Variants in DNAH11 observed in about 807,000 individuals in gnomAD.
DNAH11 encodes the protein axonemal beta dynein heavy chain 11.
A neutral mutation model predicts 526.0 loss-of-function variants in DNAH11; 442 were observed. The ratio of observed to expected loss-of-function variants is 0.84; its 90% CI spans 0.78 to 0.91. The LOEUF is 0.91. DNAH11 is among the 40% of genes least tolerant of loss of function. DNAH11 has a pLI of 0.00. For missense variants in DNAH11, 6,989 were observed against 5,448.7 expected (o/e 1.28, Z -8.90); for synonymous variants, 2,461 against 1,935.9 (o/e 1.27, Z -7.12).
At chr7:21,766,854 G>T (rs956165125) in intron 55 of DNAH11, among the ~76,000 whole-genome samples, 1 of 152,120 alleles carries the variant, frequency 6.6e-6, no homozygotes, top group African/African-American at 2.4e-5. Context: ...TGGATTGCTA[G>T]GGAAGAGCCG....
chr7:21,894,685 A>T lies in DNAH11; in HGVS notation c.12813A>T (p.Ile4271=), dbSNP rs1422905532. The T allele has an allele frequency of 6.2e-7, 1 of 1,613,876 alleles. No homozygotes were observed. The highest frequency in any genetic ancestry group is 8.5e-7 in the Non-Finnish European group (1 of 1,179,894). The part of the protein sequence containing the change: ...KLPEEFNMAE[I]MQKNSNRSPY... ...CAGAAGAGTTCAACATGGCAGAGAT[A>T]ATGCAAAAAAATTCAAATAGAAGCC... Residue 4271 remains isoleucine (I), a synonymous_variant, in exon 78 of 82, where the codon ATA becomes ATT. Transcript: ENST00000409508.
intron 34 of DNAH11, among the ~76,000 whole-genome samples, chr7:21,689,089 G>T (rs1462933510): frequency 6.6e-6 from 1 of 152,164 alleles, no homozygotes; most frequent in African/African-American, 2.4e-5. Context: ...CAGTCCTTCT[G>T]CCACGTGGGC....
At chr7:21,680,794 A>G (rs1783106306) in intron 30 of DNAH11, among the ~76,000 whole-genome samples, 1 of 152,252 alleles carries the variant, frequency 6.6e-6, no homozygotes, top group Non-Finnish European at 1.5e-5. Flanking sequence ...TTCAGTAGTC[A>G]TCACTATCTT....
Position 21,894,997 on chromosome 7 carries a change from G to C in DNAH11, c.13047G>C (p.Gln4349His), listed in dbSNP as rs756868328. Residue 4349 changes from glutamine (Q) to histidine (H), a missense_variant and splice_region_variant, in exon 79 of 82, where the codon CAG becomes CAC. Gln to His is a conservative substitution (Grantham distance 24). Coordinates refer to ENST00000409508, the MANE Select transcript of DNAH11 (RefSeq NM_001277115.2). Reference protein sequence around the residue: ...LAYPSTYGLAQWFNDLLLRCR... With the variant: ...LAYPSTYGLAHWFNDLLLRCR... ...ATCCTTCTACTTATGGCCTAGCCCA[G>C]TGGTAAGCTACCCCATCCTCACTGC... 2.5e-6 allele frequency: 4 copies of C among 1,613,634 alleles called. No individual in the cohort carries two copies. The highest frequency in any genetic ancestry group is 1.1e-5 in the South Asian group (1 of 91,072).
chr7:21,642,298 C>T (rs1409098328), intron 28 of DNAH11, among the ~76,000 whole-genome samples: 3 of 152,088 alleles, frequency 2.0e-5, no homozygotes, highest in Non-Finnish European at 2.9e-5. Flanking sequence ...AATAACCATC[C>T]AAGAGTGACT....
chr7:21,798,609 C>T lies in DNAH11; in HGVS notation c.10027-2528C>T, dbSNP rs542066022. On this transcript the variant is annotated intron_variant, in intron 61 of 81. Coordinates refer to ENST00000409508, the MANE Select transcript of DNAH11 (RefSeq NM_001277115.2). ...TTTTTTCACTCACTTGCTAGTGAAA[C>T]TTTAGCAAATCACTCAACTGATCTT... 4.3e-4 allele frequency among the ~76,000 whole-genome samples: 65 copies of T among 152,324 alleles called. No individual in the cohort carries two copies. In the South Asian group the frequency reaches 4.3e-3, roughly 10 times the overall value.
At chr7:21,566,997 A>T (rs1353630610) in intron 6 of DNAH11, among the ~76,000 whole-genome samples, 1 of 152,194 alleles carries the variant, frequency 6.6e-6, no homozygotes, top group East Asian at 1.9e-4. Flanking sequence ...CTATACAAAG[A>T]TCCCCTCTTT....
At chr7:21,720,550 T>A (rs973621241) in intron 43 of DNAH11, among the ~76,000 whole-genome samples, 175 bp from the exon 44 acceptor site, 1 of 152,190 alleles carries the variant, frequency 6.6e-6, no homozygotes, top group African/African-American at 2.4e-5. Flanking sequence ...GTGACAAGTT[T>A]TCTACTGTTA....
rs144932257 is a variant in DNAH11, at chr7:21,770,855, T to A, written c.9103-2911T>A. Among the ~76,000 whole-genome samples, 1,246 of 152,282 alleles carry A rather than the reference T, an allele frequency of 8.2e-3. 10 individuals are homozygous for A. The highest frequency in any genetic ancestry group is 0.013 in the Non-Finnish European group (907 of 68,010). ...TTTGTCCCTGGCTCCCTCCGGAATC[T>A]TCTTCTCAGAGCAAAACAGCACTAT... On this transcript the variant is annotated intron_variant, in intron 55 of 81. Coordinates refer to ENST00000409508, the MANE Select transcript of DNAH11 (RefSeq NM_001277115.2).
intron 42 of DNAH11, among the ~76,000 whole-genome samples, chr7:21,717,178 T>C (rs1313656031): frequency 6.9e-6 from 1 of 145,054 alleles, no homozygotes; most frequent in Non-Finnish European, 1.5e-5. Context: ...TGTATCAAAT[T>C]GATAACATTT....
chr7:21,775,982 A>C (rs1273033274), intron 56 of DNAH11, among the ~76,000 whole-genome samples: 1 of 152,204 alleles, frequency 6.6e-6, no homozygotes, highest in African/African-American at 2.4e-5. Context: ...TTGTGAGCTA[A>C]AAGCAAGTGG....
chr7:21,585,903 C>T (rs1463929592), intron 9 of DNAH11, among the ~76,000 whole-genome samples: 2 of 152,164 alleles, frequency 1.3e-5, no homozygotes, highest in Non-Finnish European at 2.9e-5. Context: ...GTGGGAATTA[C>T]TCTTTAGTCT....
chr7:21,587,957 A>C (rs764836774), intron 9 of DNAH11, 107 bp from the exon 10 acceptor site: 21 of 1,080,908 alleles, frequency 1.9e-5, no homozygotes, highest in Non-Finnish European at 2.5e-5. Context: ...GATGCTTTTA[A>C]GATTCTAAAC....
intron 55 of DNAH11, among the ~76,000 whole-genome samples, chr7:21,768,889 A>G (rs1787299227): frequency 6.6e-6 from 1 of 152,244 alleles, no homozygotes; most frequent in Non-Finnish European, 1.5e-5. Flanking sequence ...TTTCTATCAT[A>G]TTAATGACTT....
intron 18 of DNAH11, among the ~76,000 whole-genome samples, chr7:21,604,463 C>A (rs1785208316): frequency 6.6e-6 from 1 of 152,124 alleles, no homozygotes. Flanking sequence ...TCATTAACTG[C>A]CCCTAACTTC....
intron 2 of DNAH11, among the ~76,000 whole-genome samples, chr7:21,545,692 A>C (rs892894904): frequency 1.3e-5 from 2 of 152,224 alleles, no homozygotes; most frequent in African/African-American, 2.4e-5. Context: ...ATAGTCTTCA[A>C]CCAATGTTAC....
chr7:21,695,055 C>T (rs939325632), intron 35 of DNAH11, among the ~76,000 whole-genome samples: 3 of 152,094 alleles, frequency 2.0e-5, no homozygotes, highest in African/African-American at 7.2e-5. Flanking sequence ...AGGACCTCTT[C>T]AAGGAGAACT....
chr7:21,565,824 C>T (rs1490235947), intron 6 of DNAH11, among the ~76,000 whole-genome samples: 3 of 152,082 alleles, frequency 2.0e-5, no homozygotes, highest in Non-Finnish European at 4.4e-5. Context: ...GTTCTTTTGC[C>T]CAAACTATTG....
chr7:21,764,650 A>T (rs1027443862), intron 54 of DNAH11, among the ~76,000 whole-genome samples: 2 of 152,188 alleles, frequency 1.3e-5, no homozygotes, highest in African/African-American at 4.8e-5. Flanking sequence ...ACAGGAGCTG[A>T]CCAGGTGCTC....
Sources: allele counts gnomAD v4.1 joint callset (sites outside exome capture counted in the v4.1 genomes callset), GRCh38; gene constraint gnomAD v4.1.1; transcripts MANE v1.5; gene names NCBI Gene and HGNC (gene_info 2026-07-23, HGNC 2026-07-21).